Variants in MIPEP observed in about 807,000 individuals in gnomAD.
MIPEP encodes the protein mitochondrial intermediate peptidase.
Under a neutral mutation model 90.3 loss-of-function variants are expected in MIPEP, and 79 were observed. That is an observed-to-expected ratio of 0.87 (90% confidence interval 0.73 to 1.05). The LOEUF (loss-of-function observed/expected upper bound fraction) is 1.05, where lower values mean the gene tolerates loss of function less well. Among genes scored for constraint, MIPEP ranks in the 50% least tolerant of loss-of-function variants. The pLI is 0.00. For missense variants in MIPEP, 940 were observed against 905.6 expected, an observed-to-expected ratio of 1.04 and a Z score of -0.49; for synonymous variants, 334 against 315.8, an observed-to-expected ratio of 1.06 and a Z score of -0.61.
chr13:23,759,784 C>T (rs1318647325), intron 17 of MIPEP, among the ~76,000 whole-genome samples: 1 of 152,188 alleles, frequency 6.6e-6, no homozygotes, highest in Non-Finnish European at 1.5e-5. Context: ...AGAAAACCCA[C>T]AGGAGCAGCA....
chr13:23,864,970 GT>G (rs1156950361), intron 7 of MIPEP, among the ~76,000 whole-genome samples: 4 of 151,676 alleles, frequency 2.6e-5, no homozygotes, highest in Non-Finnish European at 5.9e-5. Flanking sequence ...CAATTTTATT[GT>G]TATATACAAC....
chr13:23,832,895 T>C (rs558229841), intron 14 of MIPEP, among the ~76,000 whole-genome samples: 3 of 152,362 alleles, frequency 2.0e-5, no homozygotes, highest in Middle Eastern at 6.8e-3. Flanking sequence ...TGAGCACCTC[T>C]GGTATCTGCT....
At chr13:23,769,430 T>C (rs1952626825) in intron 16 of MIPEP, among the ~76,000 whole-genome samples, 1 of 152,302 alleles carries the variant, frequency 6.6e-6, no homozygotes, top group Non-Finnish European at 1.5e-5. Flanking sequence ...TGAGTGCCCT[T>C]TGTAGACCAT....
chr13:23,780,310 C>T (rs577898392), intron 16 of MIPEP, among the ~76,000 whole-genome samples: 16 of 152,374 alleles, frequency 1.1e-4, no homozygotes, highest in Admixed American at 8.5e-4. Flanking sequence ...ATTTGCTGTT[C>T]TGCAGCCTCC....
At chr13:23,738,681 C>T (rs1390064937) in intron 18 of MIPEP, among the ~76,000 whole-genome samples, 1 of 151,784 alleles carries the variant, frequency 6.6e-6, no homozygotes, top group Non-Finnish European at 1.5e-5. Flanking sequence ...CTCCTGAGCT[C>T]AAGTGACCCA....
intron 14 of MIPEP, among the ~76,000 whole-genome samples, chr13:23,832,505 T>C (rs928041879): frequency 6.6e-5 from 10 of 151,346 alleles, no homozygotes; most frequent in African/African-American, 1.2e-4. Flanking sequence ...AAAAAGAAAG[T>C]TGCATCTTAG....
At chr13:23,864,219 C>G in intron 7 of MIPEP, 30 bp from the exon 8 acceptor site, 1 of 1,430,580 alleles carries the variant, frequency 7.0e-7, no homozygotes. Context: ...AAAATATCTT[C>G]AATTATGTGA....
chr13:23,766,075 T>A (rs1952589212), intron 16 of MIPEP: 1 of 152,214 alleles, frequency 6.6e-6, no homozygotes, highest in Non-Finnish European at 1.5e-5. Context: ...CTTCGCCGGA[T>A]TCTTTTGAGC....
chr13:23,732,024 C>T (rs1157501120), intron 18 of MIPEP, among the ~76,000 whole-genome samples: 2 of 138,230 alleles, frequency 1.4e-5, no homozygotes, highest in Non-Finnish European at 3.0e-5. Context: ...GTTGTCCAGG[C>T]CTGGACAACA....
At chr13:23,878,089 T>C (rs1240462440) in intron 4 of MIPEP, among the ~76,000 whole-genome samples, 2 of 152,222 alleles carry the variant, frequency 1.3e-5, no homozygotes, top group African/African-American at 4.8e-5. Flanking sequence ...GGCATGTCGA[T>C]CTTCAGTAAA....
chr13:23,789,322 A>C (rs1952878257), intron 16 of MIPEP, among the ~76,000 whole-genome samples: 1 of 152,204 alleles, frequency 6.6e-6, no homozygotes, highest in African/African-American at 2.4e-5. Flanking sequence ...TACATTTACC[A>C]ACCTTCTCTA....
intron 16 of MIPEP, among the ~76,000 whole-genome samples, chr13:23,790,951 C>A (rs1952892261): frequency 1.3e-5 from 2 of 152,148 alleles, no homozygotes; most frequent in African/African-American, 4.8e-5. Flanking sequence ...CTTGCCATTA[C>A]TGTAACTGGA....
chr13:23,768,981 A>T (rs1480033736), intron 16 of MIPEP, among the ~76,000 whole-genome samples: 1 of 152,248 alleles, frequency 6.6e-6, no homozygotes, highest in Non-Finnish European at 1.5e-5. Flanking sequence ...ATAGAAAGGT[A>T]ACATGGATCT....
chr13:23,837,446 A>G (rs1593182471), intron 13 of MIPEP, 106 bp downstream of exon 13: 1 of 862,376 alleles, frequency 1.2e-6, no homozygotes, highest in East Asian at 2.5e-5. Flanking sequence ...ACCACAGGAC[A>G]CGGTAAAATG....
intron 11 of MIPEP, 46 bp from the exon 12 acceptor site, chr13:23,839,772 TC>T (rs1869216393): frequency 7.3e-7 from 1 of 1,364,006 alleles, no homozygotes; most frequent in Non-Finnish European, 1.0e-6. Context: ...GCCATCTGAT[TC>T]TCTAAAATCC....
At chr13:23,843,999 T>C (rs567244371) in intron 10 of MIPEP, among the ~76,000 whole-genome samples, 91 of 151,890 alleles carry the variant, frequency 6.0e-4, no homozygotes, top group South Asian at 5.8e-3. Context: ...TGAGGTGCAA[T>C]GATGGGAGGA....
At chr13:23,764,152 C>T (rs74038712) in intron 16 of MIPEP, among the ~76,000 whole-genome samples, 3,005 of 152,028 alleles carry the variant, frequency 0.02, 102 homozygotes, top group African/African-American at 0.069. Flanking sequence ...ACCATGCAAA[C>T]ATCTTTGTAG....
chr13:23,767,511 G>A (rs1332512995), intron 16 of MIPEP, among the ~76,000 whole-genome samples: 1 of 151,830 alleles, frequency 6.6e-6, no homozygotes, highest in African/African-American at 2.4e-5. Context: ...GAGTGCAGTG[G>A]CACGATCTCG....
In MIPEP at chr13:23,852,340, G is replaced by C. The variant is rs541152091; in HGVS notation, c.1106+6520C>G. Among the ~76,000 whole-genome samples, 6 of 152,326 alleles carry C rather than the reference G, an allele frequency of 3.9e-5. No homozygotes were observed. In the East Asian group the frequency reaches 9.6e-4, roughly 24 times the overall value. ...TAATGATACAAGAGTTATGTAAGAA[G>C]ATGTTCATCCTTTTCAAAAGTACAT... On this transcript the variant is annotated intron_variant, in intron 10 of 18. Transcript: ENST00000382172.
Sources: gnomAD v4.1 joint callset for allele counts (sites outside exome capture counted in the v4.1 genomes callset) on GRCh38, gnomAD v4.1.1 for gene constraint, MANE v1.5 for transcripts, NCBI Gene and HGNC (gene_info 2026-07-23, HGNC 2026-07-21) for gene names.